CCPG1: variants seen among roughly 807,000 people sequenced by gnomAD.
CCPG1 encodes cell cycle progression 1, also known as cell cycle progression protein 1.
Under a neutral mutation model 81.3 loss-of-function variants are expected in CCPG1, and 46 were observed. That is an observed-to-expected ratio of 0.57 (90% confidence interval 0.45 to 0.72). The LOEUF (loss-of-function observed/expected upper bound fraction) is 0.72. CCPG1 is among the 30% of genes least tolerant of loss of function. The pLI is 0.00. For synonymous variants in CCPG1, 330 were observed against 305.2 expected, an observed-to-expected ratio of 1.08 and a Z score of -0.85; for missense variants, 902 against 937.6, an observed-to-expected ratio of 0.96 and a Z score of 0.50.
At position 55,385,607 on chromosome 15, in the gene CCPG1, C is replaced by A; in HGVS notation, c.168G>T (p.Glu56Asp). 1 of 1,567,214 alleles carries A rather than the reference C, an allele frequency of 6.4e-7. No homozygotes were observed. Among genetic ancestry groups the A allele is most frequent in the Non-Finnish European group, 8.7e-7 (1 of 1,147,848 alleles). ...EQEELQALQI[E>D]QGESSQNGTV... is the part of the protein sequence containing the mutation. ...AATTTGTGAACAACTTACCTCCTTG[C>A]TCTATCTGCAATGCTTGAAGCTCCT... is the stretch of plus-strand genomic sequence containing the variant. The change falls in exon 3 of 9, where the codon GAG (glutamate) becomes GAT (aspartate). Residue 56 changes from glutamate (E) to aspartate (D), a missense_variant. Glu to Asp is a conservative substitution (Grantham distance 45). Around this residue, in one of 3 missense-constraint regions of CCPG1, gnomAD observed 746 missense variants for 728.6 expected, o/e 1.02. Transcript: ENST00000442196.
Position 55,360,804 on chromosome 15 carries a change from T to C in CCPG1, c.969A>G (p.Ser323=), listed in dbSNP as rs1322621859. The C allele has an allele frequency of 6.2e-7, 1 of 1,612,916 alleles. No homozygotes were observed. The highest frequency in any genetic ancestry group is 1.1e-5 in the South Asian group (1 of 90,752). The change falls in exon 8 of 9, where the codon TCA becomes TCG. Residue 323 remains serine (S), a synonymous_variant. Coordinates refer to ENST00000442196, the MANE Select transcript of CCPG1 (RefSeq NM_001204450.2). ...SLEKEEKALS[S]LQEELNKLRE... is the part of the protein sequence containing the mutation. ...TTAGTTTGTTTAACTCTTCCTGTAA[T>C]GAGGATAAGGCTTTTTCTTCCTTCT...
chr15:55,371,751 C>T (rs746853756), intron 6 of CCPG1, 42 bp downstream of exon 6: 4 of 1,588,462 alleles, frequency 2.5e-6, no homozygotes, highest in Non-Finnish European at 3.4e-6. Context: ...TTCCTCTACA[C>T]TATCCCATCA....
At chr15:55,389,574 CAG>C (rs1283488809) in intron 1 of CCPG1, 141 bp from the exon 2 acceptor site, 3 of 661,020 alleles carry the variant, frequency 4.5e-6, no homozygotes, top group Non-Finnish European at 8.3e-6. Context: ...ATTTACCATA[CAG>C]AACATGACAG....
At chr15:55,405,255 G>A (rs61673362) in intron 1 of CCPG1, among the ~76,000 whole-genome samples, 3,179 of 152,264 alleles carry the variant, frequency 0.021, 95 homozygotes, top group African/African-American at 0.069. Flanking sequence ...CCAGCTACTC[G>A]GGAGGGTGAG....
intron 1 of CCPG1, among the ~76,000 whole-genome samples, chr15:55,400,568 CA>C (rs10687314): frequency 6.6e-6 from 1 of 151,328 alleles, no homozygotes; most frequent in Non-Finnish European, 1.5e-5. Flanking sequence ...AAAACAAAAA[CA>C]AAACAAAACA....
chr15:55,359,577 G>A lies in CCPG1; in HGVS notation c.2196C>T (p.His732=), dbSNP rs2056148931. ...FEKLDEYIYR[H]FFGHTFSPPY... ...GAGGGGAAAAAGTGTGACCAAAGAA[G>A]TGTCTATATATATATTCATCCAACT... is the stretch of plus-strand genomic sequence containing the variant. The change falls in exon 8 of 9, where the codon CAC becomes CAT. Residue 732 remains histidine (H), a synonymous_variant. Transcript: ENST00000442196. 1 of 1,611,610 alleles carries A rather than the reference G, an allele frequency of 6.2e-7. No homozygotes were observed. Among genetic ancestry groups the A allele is most frequent in the African/African-American group, 1.3e-5 (1 of 74,782 alleles).
chr15:55,372,990 C>T (rs774044971), intron 5 of CCPG1: 1 of 534,730 alleles, frequency 1.9e-6, no homozygotes, highest in South Asian at 1.4e-5. Context: ...ATTAATTTTA[C>T]CCTCTAGTAA....
intron 7 of CCPG1, among the ~76,000 whole-genome samples, chr15:55,363,734 T>G (rs982562717): frequency 7.4e-5 from 11 of 149,576 alleles, no homozygotes; most frequent in African/African-American, 2.4e-4. Flanking sequence ...ATACATAAAT[T>G]AAGTGTGAGA....
chr15:55,382,568 G>C (rs2056721329), intron 3 of CCPG1, among the ~76,000 whole-genome samples: 1 of 147,986 alleles, frequency 6.8e-6, no homozygotes, highest in South Asian at 2.1e-4. Flanking sequence ...AGAGTGCAGT[G>C]GCGCGATCTT....
intron 1 of CCPG1, among the ~76,000 whole-genome samples, chr15:55,403,822 T>G (rs2057168762): frequency 6.6e-6 from 1 of 152,230 alleles, no homozygotes; most frequent in South Asian, 2.1e-4. Flanking sequence ...AGTTCTGCAC[T>G]GTTAGATGAG....
chr15:55,372,848 G>T, intron 5 of CCPG1: 1 of 464,530 alleles, frequency 2.2e-6, no homozygotes. Context: ...AGTTTCCTTG[G>T]GTGTATCTGG....
Position 55,397,976 on chromosome 15 carries a change from CAA to C in CCPG1, c.-9-8545_-9-8544del, listed in dbSNP as rs1404990881. On this transcript the variant is annotated intron_variant, in intron 1 of 8. Coordinates refer to ENST00000442196, the MANE Select transcript of CCPG1 (RefSeq NM_001204450.2). ...TGGGAGACAGAACAAGACTCCATCTCAAGAAAAAAAAAGAAGAAGAAAAGGAA... is the reference window on the plus strand; with the variant it reads ...TGGGAGACAGAACAAGACTCCATCTCGAAAAAAAAAGAAGAAGAAAAGGAA... Among the ~76,000 whole-genome samples, 7 of 23,446 alleles carry C rather than the reference CAA, an allele frequency of 3.0e-4. No individual in the cohort carries two copies. In the South Asian group the frequency reaches 0.015, roughly 51 times the overall value. 15.4% of individuals were successfully genotyped at this position (23,446 alleles called of 152,430 possible). A position where few individuals can be genotyped will look rare whatever the true frequency, so the allele number is the denominator to read the frequency against.
At chr15:55,372,850 T>C (rs1474216309) in intron 5 of CCPG1, 5 of 469,250 alleles carry the variant, frequency 1.1e-5, no homozygotes, top group Non-Finnish European at 4.4e-6. Flanking sequence ...TTTCCTTGGG[T>C]GTATCTGGTC....
rs771164762 is a variant in CCPG1 at position 55,371,862 on chromosome 15, T to C, written c.637A>G (p.Ser213Gly). The C allele has an allele frequency of 1.2e-6, 2 of 1,614,016 alleles. No homozygotes were observed. Among genetic ancestry groups the C allele is most frequent in the South Asian group, 2.2e-5 (2 of 91,084 alleles). ...AGTATAACACACTTATTGAGACCAC[T>C]ACTGAACTGACGTTTACTCAACTCC... is the stretch of plus-strand genomic sequence containing the variant. ...SKELSKRQFS[S>G]GLNKCVILAL... The change falls in exon 6 of 9, where the codon AGT becomes GGT. Residue 213 changes from serine to glycine, a missense_variant. Transcript: ENST00000442196.
intron 4 of CCPG1, among the ~76,000 whole-genome samples, chr15:55,377,484 T>C (rs958126962): frequency 2.0e-5 from 3 of 152,224 alleles, no homozygotes; most frequent in Non-Finnish European, 4.4e-5. Context: ...CACAACTCTG[T>C]AGTGTGGAAG....
rs549254108 is a variant in CCPG1 at position 55,393,900 on chromosome 15, T to G, written c.-9-4467A>C. Among the ~76,000 whole-genome samples the G allele has an allele frequency of 4.8e-4, 73 of 152,214 alleles. 1 individual carries two copies. The highest frequency in any genetic ancestry group is 1.7e-3 in the African/African-American group (71 of 41,516). On this transcript the variant is annotated intron_variant, in intron 1 of 8. Transcript: ENST00000442196. ...AGAGGGTATTGAAACCCCCACAAAT[T>G]CTATAACGGTGCCCTTGAGCCCCTA...
At chr15:55,392,816 CAGATTT>C (rs1445389630) in intron 1 of CCPG1, among the ~76,000 whole-genome samples, 1 of 152,148 alleles carries the variant, frequency 6.6e-6, no homozygotes, top group Non-Finnish European at 1.5e-5. Context: ...TGTATCTGGT[CAGATTT>C]GGCCAGGTGC....
chr15:55,378,302 C>T lies in CCPG1; in HGVS notation c.250G>A (p.Glu84Lys). 1 of 1,596,792 alleles carries T rather than the reference C, an allele frequency of 6.3e-7. No individual in the cohort carries two copies. The highest frequency in any genetic ancestry group is 8.6e-7 in the Non-Finnish European group (1 of 1,165,526). The stretch of plus-strand genomic sequence containing the variant: ...CACAGTGTAAAATACAAGTTTACCT[C>T]AATTGTTGAGCTGGTTTCCTCCAAA... Reference protein sequence around the residue: ...PALEETSSTIEAEEQKIPEDS... With the variant: ...PALEETSSTIKAEEQKIPEDS... The change falls in exon 4 of 9, where the codon GAG becomes AAG. Residue 84 changes from glutamate to lysine, a missense_variant and splice_region_variant. Around this residue, in one of 3 missense-constraint regions of CCPG1, gnomAD observed 746 missense variants for 728.6 expected, o/e 1.02. Coordinates refer to ENST00000442196, the MANE Select transcript of CCPG1 (RefSeq NM_001204450.2).
chr15:55,361,050 A>G (rs1047415277), intron 7 of CCPG1, 106 bp from the exon 8 acceptor site: 5 of 1,201,834 alleles, frequency 4.2e-6, no homozygotes, highest in African/African-American at 3.2e-5. Context: ...CTTTACTTCT[A>G]CAGATACAAC....
Sources: gnomAD v4.1 joint callset for allele counts (sites outside exome capture counted in the v4.1 genomes callset) on GRCh38, gnomAD v4.1.1 for gene constraint, gnomAD v4.1.1 regional missense constraint, MANE v1.5 for transcripts, NCBI Gene and HGNC (gene_info 2026-07-23, HGNC 2026-07-21) for gene names.